Variants in WNK2 observed in about 807,000 individuals in gnomAD.
WNK2 encodes the protein WNK lysine deficient protein kinase 2, also known as serine/threonine-protein kinase WNK2.
Under a neutral mutation model 192.1 loss-of-function variants are expected in WNK2, and 67 were observed. The ratio of observed to expected loss-of-function variants is 0.35; its 90% confidence interval spans 0.29 to 0.43. WNK2 has a LOEUF of 0.43. WNK2 is among the 20% of genes least tolerant of loss of function. WNK2 has a pLI of 1.00. For missense variants in WNK2, 2,698 were observed against 3,089.7 expected (o/e 0.87, Z 3.01); for synonymous variants, 1,439 against 1,393.9 (o/e 1.03, Z -0.72).
In WNK2 at chr9:93,261,794, C is replaced by T. The variant is rs367745453; in HGVS notation, c.3067-20C>T. On this transcript the variant is annotated intron_variant, in intron 12 of 29. Coordinates refer to ENST00000427277, the MANE Select transcript of WNK2 (RefSeq NM_006648.4). ...AGGCAGCGCCGGCCCTGACTTGCAC[C>T]TTGTCCCCTGTGCCCCCAGATTCTG... is the stretch of plus-strand genomic sequence containing the variant. The T allele has an allele frequency of 1.3e-4, 208 of 1,576,926 alleles. 1 individual carries two copies. In the African/African-American group the frequency reaches 2.0e-3, roughly 15 times the overall value.
chr9:93,205,569 G>A lies in WNK2; in HGVS notation c.681+19959G>A, dbSNP rs553840275. ...CACTCTGTCCTTCGGCCCGCCCCGC[G>A]GCCGGCTGTCTGGAGCCTGGTCTCC... On this transcript the variant is annotated intron_variant, in intron 2 of 29. Transcript: ENST00000427277. 5.5e-5 allele frequency among the ~76,000 whole-genome samples: 8 copies of A among 144,578 alleles called. No individual in the cohort carries two copies. The South Asian group carries it at 8.3e-4, about 15-fold the overall frequency. The allele number at this position is 144,578 out of a possible 152,430, so 94.8% of individuals were successfully genotyped here. A position where few individuals can be genotyped will look rare whatever the true frequency, so the allele number is the denominator to read the frequency against.
chr9:93,205,043 T>A (rs889909228), intron 2 of WNK2, among the ~76,000 whole-genome samples: 22 of 152,220 alleles, frequency 1.4e-4, no homozygotes, highest in African/African-American at 4.8e-4. Flanking sequence ...AGGCACTCTA[T>A]AATATGTTGA....
In WNK2 at chr9:93,289,287, C is replaced by A; in HGVS notation, c.4533C>A (p.Thr1511=). Reference sequence around the variant, plus strand: ...CAGTGGGGGCCGTCAGCCTGGCCACCTCCCAGCTCCCAAGCCCACCCCTGG... The same window carrying A: ...CAGTGGGGGCCGTCAGCCTGGCCACATCCCAGCTCCCAAGCCCACCCCTGG... ...PAAVGAVSLA[T]SQLPSPPLGP... The change falls in exon 20 of 30, where the codon ACC becomes ACA. Residue 1511 remains threonine (T), a synonymous_variant. Coordinates refer to ENST00000427277, the MANE Select transcript of WNK2 (RefSeq NM_006648.4). 2 of 1,598,788 alleles carry A rather than the reference C, an allele frequency of 1.3e-6. No individual in the cohort carries two copies. Among genetic ancestry groups the A allele is most frequent in the Non-Finnish European group, 1.7e-6 (2 of 1,173,906 alleles).
At chr9:93,286,673 A>C (rs1848488907) in intron 19 of WNK2, among the ~76,000 whole-genome samples, 1 of 152,240 alleles carries the variant, frequency 6.6e-6, no homozygotes, top group Non-Finnish European at 1.5e-5. Flanking sequence ...TATATTCAAG[A>C]TAATTGAAAA....
At chr9:93,207,271 G>C (rs1486000393) in intron 2 of WNK2, among the ~76,000 whole-genome samples, 1 of 152,204 alleles carries the variant, frequency 6.6e-6, no homozygotes, top group Non-Finnish European at 1.5e-5. Flanking sequence ...CCTTTACCTT[G>C]TTCTAAAATA....
At chr9:93,318,669 C>A (rs962633036) in intron 29 of WNK2, 11 of 1,510,688 alleles carry the variant, frequency 7.3e-6, no homozygotes, top group African/African-American at 1.4e-5. Flanking sequence ...CACTTCCCTC[C>A]CTTCTCCATG....
In WNK2 at chr9:93,229,085, C is replaced by T. The variant is rs2131992785; in HGVS notation, c.682-611C>T. ...TGCTGTTTTCTATTTAAACTTAGGT[C>T]AGTGATTGGTTCTGCTGGCTTGTGC... On this transcript the variant is annotated intron_variant, in intron 2 of 29. Transcript: ENST00000427277. The surrounding 1 kb of genome is among the most constrained non-coding windows in gnomAD (Gnocchi z 4.9). 6.6e-6 allele frequency among the ~76,000 whole-genome samples: 1 copy of T among 152,246 alleles called. No individual in the cohort carries two copies. Among genetic ancestry groups the T allele is most frequent in the African/African-American group, 2.4e-5 (1 of 41,542 alleles).
chr9:93,282,860 A>G (rs1040053032), intron 19 of WNK2, among the ~76,000 whole-genome samples: 3 of 152,206 alleles, frequency 2.0e-5, no homozygotes, highest in African/African-American at 7.2e-5. Context: ...CTGTTTTTTC[A>G]TGCACACAGA....
At chr9:93,319,764 C>G (rs1855270186) in intron 29 of WNK2, among the ~76,000 whole-genome samples, 1 of 152,192 alleles carries the variant, frequency 6.6e-6, no homozygotes, top group Non-Finnish European at 1.5e-5. Context: ...AGTGGCTTTT[C>G]TGGTAGGCAC....
rs1842009649 is a variant in WNK2, at chr9:93,247,924, C to T, written c.1834+90C>T. On this transcript the variant is annotated intron_variant, in intron 8 of 29. Transcript: ENST00000427277. The surrounding 1 kb of genome is among the most constrained non-coding windows in gnomAD (Gnocchi z 5.2). ...TGGGCAAAGAAAAATGAAGTCCTCT[C>T]CCTTTATTGGAATGCTTTGTGAGGA... is the stretch of plus-strand genomic sequence containing the variant. 7.2e-7 allele frequency: 1 copy of T among 1,382,474 alleles called. No homozygotes were observed. The highest frequency in any genetic ancestry group is 2.5e-5 in the East Asian group (1 of 39,956). The allele number at this position is 1,382,474 out of a possible 1,614,324, so 85.6% of individuals were successfully genotyped here. A position where few individuals can be genotyped will look rare whatever the true frequency, so the allele number is the denominator to read the frequency against.
intron 18 of WNK2, 46 bp downstream of exon 18, chr9:93,268,111 A>G (rs1443602037): frequency 6.4e-7 from 1 of 1,570,008 alleles, no homozygotes; most frequent in Non-Finnish European, 8.6e-7. Flanking sequence ...GCGTTTGATG[A>G]AAGTCCCCAC....
intron 19 of WNK2, among the ~76,000 whole-genome samples, chr9:93,287,425 A>G (rs545793844): frequency 1.3e-5 from 2 of 152,350 alleles, no homozygotes; most frequent in Admixed American, 1.3e-4. Flanking sequence ...ACCAACACAG[A>G]ATGGATGCGT....
chr9:93,210,670 G>GCTCTTTGCCCTTCTAGGC (rs1834338824), intron 2 of WNK2, among the ~76,000 whole-genome samples: 1 of 152,188 alleles, frequency 6.6e-6, no homozygotes, highest in Non-Finnish European at 1.5e-5. Flanking sequence ...GCAGGTGAGG[G>GCTCTTTGCCCTTCTAGGC]CTCTTTGCCC....
intron 7 of WNK2, among the ~76,000 whole-genome samples, chr9:93,240,481 T>A (rs1840574655): frequency 6.6e-6 from 1 of 152,126 alleles, no homozygotes. Flanking sequence ...CTCCTGCTCC[T>A]CTCATCATCT....
At chr9:93,224,050 A>G (rs758692787) in intron 2 of WNK2, among the ~76,000 whole-genome samples, 8 of 152,080 alleles carry the variant, frequency 5.3e-5, no homozygotes, top group African/African-American at 1.9e-4. Flanking sequence ...GCATGGGACT[A>G]TTGTGGACAG....
chr9:93,284,999 G>A (rs1848247698), intron 19 of WNK2, among the ~76,000 whole-genome samples: 1 of 152,198 alleles, frequency 6.6e-6, no homozygotes, highest in Non-Finnish European at 1.5e-5. Context: ...GACACGCAGA[G>A]CTGAATGATT....
In WNK2 at chr9:93,184,139, C is replaced by T. The variant is rs1473508086; in HGVS notation, c.-249C>T. Among the ~76,000 whole-genome samples the T allele has an allele frequency of 2.0e-5, 3 of 149,556 alleles. No homozygotes were observed. The highest frequency in any genetic ancestry group is 2.1e-4 in the South Asian group (1 of 4,804). On this transcript the variant is annotated 5_prime_UTR_variant, in exon 1 of 30. Coordinates refer to ENST00000427277, the MANE Select transcript of WNK2 (RefSeq NM_006648.4). Reference sequence around the variant, plus strand: ...GGGGCGGGGCGAACGGAGCCCCGCCCTCCCCGCGCGCCGGGTCGGAGCCGG... The same window carrying T: ...GGGGCGGGGCGAACGGAGCCCCGCCTTCCCCGCGCGCCGGGTCGGAGCCGG...
intron 4 of WNK2, among the ~76,000 whole-genome samples, chr9:93,232,513 A>G (rs1838999541): frequency 6.6e-6 from 1 of 152,188 alleles, no homozygotes; most frequent in Non-Finnish European, 1.5e-5. Flanking sequence ...AAGTGGTAGG[A>G]ACCCAGGTCT....
At chr9:93,240,025 G>A (rs375263147) in intron 7 of WNK2, 49 bp downstream of exon 7, 163 of 1,559,474 alleles carry the variant, frequency 1.0e-4, no homozygotes, top group Non-Finnish European at 1.4e-4. Context: ...TTGGCAGCTC[G>A]TGGTTTCCAA....
Sources: gnomAD v4.1 joint callset for allele counts (sites outside exome capture counted in the v4.1 genomes callset) on GRCh38, gnomAD v4.1.1 for gene constraint, Gnocchi (gnomAD v3.1) non-coding constraint, MANE v1.5 for transcripts, NCBI Gene and HGNC (gene_info 2026-07-23, HGNC 2026-07-21) for gene names.